The following NLRC3 variants were observed in gnomAD, a reference collection of about 807,000 sequenced individuals.
The protein encoded by NLRC3 is NLR family CARD domain-containing protein 3.
In NLRC3, 87 loss-of-function variants were observed where a neutral mutation model predicts 91.6. That is an observed-to-expected ratio of 0.95 (90% CI 0.80 to 1.14). NLRC3 has a LOEUF of 1.14. Among genes scored for constraint, NLRC3 ranks in the 50% most tolerant of loss-of-function variants. NLRC3 has a pLI of 0.00. For missense variants in NLRC3, 1,577 were observed against 1,418.6 expected, an observed-to-expected ratio of 1.11 and a Z score of -1.79; for synonymous variants, 694 against 625.3, an observed-to-expected ratio of 1.11 and a Z score of -1.64.
Position 3,542,255 on chromosome 16 carries a change from C to T in NLRC3, c.3043G>A (p.Gly1015Arg), listed in dbSNP as rs2038441894. The T allele has an allele frequency of 6.3e-7, 1 of 1,591,690 alleles. No homozygotes were observed. ...RRLNLQENSL[G>R]MDGAICIATA... ...GCAATGCATATCGCCCCGTCCATCC[C>T]CAGAGAATTCTCTTGAAGACTAAGT... The change falls in exon 19 of 20, where the codon GGG (glycine) becomes AGG (arginine). Residue 1015 changes from glycine (G) to arginine (R), a missense_variant. By Grantham distance (125) the Gly-to-Arg change is moderately radical. Transcript: ENST00000359128.
chr16:3,560,947 C>G (rs1170758677), intron 6 of NLRC3, among the ~76,000 whole-genome samples: 1 of 151,742 alleles, frequency 6.6e-6, no homozygotes, highest in African/African-American at 2.4e-5. Flanking sequence ...GGGTGAGCCA[C>G]CACACCCGGC....
Position 3,540,690 on chromosome 16 carries a change from C to A in NLRC3, c.*1135G>T, listed in dbSNP as rs2038358919. 1 of 152,288 alleles carries A rather than the reference C, an allele frequency of 6.6e-6. No homozygotes were observed. The highest frequency in any genetic ancestry group is 2.1e-4 in the South Asian group (1 of 4,830). 9.4% of individuals were successfully genotyped at this position (152,288 alleles called of 1,614,324 possible). A position where few individuals can be genotyped will look rare whatever the true frequency, so the allele number is the denominator to read the frequency against. ...TGGTGGTGCGTGCCTGTAGACCCAA[C>A]TACTTGGGAGGCCGAGGCAGGAGAA... On this transcript the variant is annotated 3_prime_UTR_variant, in exon 20 of 20. Coordinates refer to ENST00000359128, the MANE Select transcript of NLRC3 (RefSeq NM_178844.4).
At chr16:3,569,399 T>TA (rs1197824362) in intron 1 of NLRC3, among the ~76,000 whole-genome samples, 4,557 of 76,150 alleles carry the variant, frequency 0.06, 64 homozygotes, top group Non-Finnish European at 0.073. Flanking sequence ...TATATATTAT[T>TA]TTTTTTTTTT....
At chr16:3,556,158 G>C (rs1444326079) in intron 8 of NLRC3, among the ~76,000 whole-genome samples, 1 of 148,976 alleles carries the variant, frequency 6.7e-6, no homozygotes, top group Non-Finnish European at 1.5e-5. Flanking sequence ...GTGAAAGCTC[G>C]TCTCTACTAA....
chr16:3,572,228 C>A (rs924073245), intron 1 of NLRC3, among the ~76,000 whole-genome samples: 2 of 151,822 alleles, frequency 1.3e-5, no homozygotes, highest in African/African-American at 2.4e-5. Flanking sequence ...AATAAACTAT[C>A]ATTTTTCATA....
At chr16:3,548,790 C>A in intron 13 of NLRC3, 37 bp from the exon 14 acceptor site, 1 of 1,470,456 alleles carries the variant, frequency 6.8e-7, no homozygotes, top group South Asian at 1.2e-5. Context: ...GAGCCGGGGG[C>A]CGGCTGTGAA....
Position 3,574,498 on chromosome 16 carries a change from C to T in NLRC3, c.-169+2651G>A, listed in dbSNP as rs559221879. ...TGAGGGGTTGGGGCGAGGCAGGACT[C>T]ACAAGCGCCTGGGAAGGCGGGGACG... On this transcript the variant is annotated intron_variant, in intron 1 of 19. Transcript: ENST00000359128. 5.9e-5 allele frequency among the ~76,000 whole-genome samples: 9 copies of T among 152,190 alleles called. 1 individual carries two copies. The South Asian group carries it at 1.9e-3, about 32-fold the overall frequency.
In NLRC3 at chr16:3,543,429, G is replaced by T. The variant is rs1482287097; in HGVS notation, c.2935C>A (p.Leu979Ile). ...GATGGAGACTGGAATACTTACTCGA[G>T]AATCTCCAAGGTTCTGTTCACAGCC... is the stretch of plus-strand genomic sequence containing the variant. ...ALAVNRTLEI[L>I]DLRGNAIGVA... The change falls in exon 17 of 20, where the codon CTC becomes ATC. Residue 979 changes from leucine to isoleucine, a missense_variant. Transcript: ENST00000359128. The T allele has an allele frequency of 1.2e-6, 2 of 1,608,650 alleles. No homozygotes were observed. Among genetic ancestry groups the T allele is most frequent in the African/African-American group, 1.3e-5 (1 of 74,844 alleles).
Position 3,539,072 on chromosome 16 carries a change from G to T in NLRC3, c.*2753C>A, listed in dbSNP as rs1418015564. On this transcript the variant is annotated 3_prime_UTR_variant, in exon 20 of 20. Transcript: ENST00000359128. ...AATTTTTATTGGTAGTAGTTATCAA[G>T]AACAAAGTCCTCGGACTTCTGATGG... 2 of 152,204 alleles carry T rather than the reference G, an allele frequency of 1.3e-5. No individual in the cohort carries two copies. The highest frequency in any genetic ancestry group is 2.9e-5 in the Non-Finnish European group (2 of 68,026). 9.4% of individuals were successfully genotyped at this position (152,204 alleles called of 1,614,324 possible). A position where few individuals can be genotyped will look rare whatever the true frequency, so the allele number is the denominator to read the frequency against.
chr16:3,549,374 C>A, intron 12 of NLRC3, 149 bp from the exon 13 acceptor site: 1 of 681,702 alleles, frequency 1.5e-6, no homozygotes. Context: ...TGTGAAGGAG[C>A]CAGTGCTAGT....
At chr16:3,549,317 G>C (rs2151085809) in intron 12 of NLRC3, 92 bp from the exon 13 acceptor site, 1 of 908,526 alleles carries the variant, frequency 1.1e-6, no homozygotes. Flanking sequence ...TGAAGCCCAA[G>C]AAACTGCAGG....
chr16:3,566,580 CCAAG>C (rs2039893166), intron 2 of NLRC3, among the ~76,000 whole-genome samples: 1 of 152,158 alleles, frequency 6.6e-6, no homozygotes, highest in Non-Finnish European at 1.5e-5. Flanking sequence ...ACAAAATTAG[CCAAG>C]TGTGGCAGCA....
At chr16:3,568,794 G>C (rs1357575279) in intron 1 of NLRC3, among the ~76,000 whole-genome samples, 1 of 152,128 alleles carries the variant, frequency 6.6e-6, no homozygotes, top group Non-Finnish European at 1.5e-5. Flanking sequence ...TGGGTAATTT[G>C]AGGTCCTTCT....
At chr16:3,576,376 T>A (rs1283909232) in intron 1 of NLRC3, among the ~76,000 whole-genome samples, 1 of 152,092 alleles carries the variant, frequency 6.6e-6, no homozygotes, top group African/African-American at 2.4e-5. Context: ...GCCTGCACCC[T>A]CCCTGCCCCT....
At chr16:3,545,681 A>AC (rs1224925275) in intron 15 of NLRC3, 2 of 152,174 alleles carry the variant, frequency 1.3e-5, no homozygotes, top group African/African-American at 2.4e-5. Context: ...AGCATCTCCC[A>AC]CCCCAGGGTG....
At chr16:3,543,778 C>T (rs566242711) in intron 16 of NLRC3, 2 of 484,092 alleles carry the variant, frequency 4.1e-6, no homozygotes, top group Non-Finnish European at 7.5e-6. Context: ...TTACTACTCT[C>T]TAGGTGTTTG....
At chr16:3,543,368 T>G in intron 17 of NLRC3, 57 bp downstream of exon 17, 10 of 1,200,588 alleles carry the variant, frequency 8.3e-6, no homozygotes, top group Non-Finnish European at 1.2e-5. Flanking sequence ...ATCTATTCAT[T>G]GAGAATTCAT....
chr16:3,552,297 G>A lies in NLRC3; in HGVS notation c.2268-18C>T. On this transcript the variant is annotated intron_variant, in intron 9 of 19. Coordinates refer to ENST00000359128, the MANE Select transcript of NLRC3 (RefSeq NM_178844.4). The stretch of plus-strand genomic sequence containing the variant: ...TCTGCAGGCTGTGGGAGAAAAGAGA[G>A]GGGTCCTTTAGAAAGGCTGGTCACA... 1 of 1,596,004 alleles carries A rather than the reference G, an allele frequency of 6.3e-7. No individual in the cohort carries two copies. The highest frequency in any genetic ancestry group is 8.6e-7 in the Non-Finnish European group (1 of 1,163,834).
chr16:3,551,497 A>T (rs960186960), intron 10 of NLRC3, among the ~76,000 whole-genome samples: 1 of 150,596 alleles, frequency 6.6e-6, no homozygotes, highest in Non-Finnish European at 1.5e-5. Flanking sequence ...CCATCCCTCC[A>T]TCTACCCACT....
Sources: gnomAD v4.1 joint callset for allele counts (sites outside exome capture counted in the v4.1 genomes callset) on GRCh38, gnomAD v4.1.1 for gene constraint, MANE v1.5 for transcripts, NCBI Gene and HGNC (gene_info 2026-07-23, HGNC 2026-07-21) for gene names.